The following NCOR2 variants were observed in gnomAD, a reference collection of about 807,000 sequenced individuals.
The protein encoded by NCOR2 is CTG repeat protein 26.
NCOR2 carries 81 observed loss-of-function variants against 262.9 expected under a neutral mutation model. The ratio of observed to expected loss-of-function variants is 0.31; its 90% confidence interval spans 0.26 to 0.37. NCOR2 has a LOEUF of 0.37. NCOR2 is among the 10% of genes least tolerant of loss of function. The pLI, the probability that NCOR2 is intolerant of heterozygous loss-of-function variation, is 1.00. For missense variants in NCOR2, 3,385 were observed against 3,621.4 expected (o/e 0.93, Z 1.68); for synonymous variants, 1,659 against 1,559.3 (o/e 1.06, Z -1.51).
intron 1 of NCOR2, among the ~76,000 whole-genome samples, chr12:124,527,807 G>A (rs1437194647): frequency 3.9e-5 from 6 of 152,228 alleles, no homozygotes; most frequent in African/African-American, 1.4e-4. Context: ...GCCATGGGGT[G>A]CTCCCACTTC....
chr12:124,538,674 GT>G, upstream of NCOR2: 1 of 154,214 alleles, frequency 6.5e-6, no homozygotes, highest in African/African-American at 2.4e-5. Context: ...CACTGTGCCA[GT>G]CCAGGAGAGT....
At chr12:124,383,417 A>G in intron 17 of NCOR2, 1 of 438,714 alleles carries the variant, frequency 2.3e-6, no homozygotes, top group Non-Finnish European at 3.6e-6. Context: ...CGTCCACGCC[A>G]GCGGCTTCAC....
At chr12:124,382,793 C>T (rs1457480102) in intron 17 of NCOR2, among the ~76,000 whole-genome samples, 1 of 152,226 alleles carries the variant, frequency 6.6e-6, no homozygotes, top group Non-Finnish European at 1.5e-5. Flanking sequence ...ATACTGAATG[C>T]TTATTGAGGG....
At chr12:124,357,119 A>C (rs1269948590) in intron 22 of NCOR2, among the ~76,000 whole-genome samples, 2 of 152,228 alleles carry the variant, frequency 1.3e-5, no homozygotes, top group Admixed American at 6.5e-5. Flanking sequence ...CTAAGCCAGG[A>C]GGTGGCAAAT....
intron 1 of NCOR2, among the ~76,000 whole-genome samples, chr12:124,564,105 T>C (rs1818938357): frequency 6.6e-6 from 1 of 152,196 alleles, no homozygotes; most frequent in South Asian, 2.1e-4. Context: ...ACACAGTAGG[T>C]GTTGGTTCTT....
chr12:124,528,209 G>T (rs566371017), intron 1 of NCOR2, among the ~76,000 whole-genome samples: 17 of 152,314 alleles, frequency 1.1e-4, no homozygotes, highest in African/African-American at 3.8e-4. Flanking sequence ...CTGGGGTGGG[G>T]ATGACTATGA....
intron 20 of NCOR2, among the ~76,000 whole-genome samples, chr12:124,367,749 C>A (rs1406693944): frequency 1.3e-5 from 2 of 152,130 alleles, no homozygotes; most frequent in Admixed American, 6.5e-5. Context: ...CCTCCTGCCT[C>A]AGTCTCCCTA....
intron 1 of NCOR2, among the ~76,000 whole-genome samples, chr12:124,512,948 G>T (rs537311829): frequency 6.6e-6 from 1 of 152,318 alleles, no homozygotes; most frequent in African/African-American, 2.4e-5. Context: ...AAACGGTGGG[G>T]CCAGGGAGGG....
At chr12:124,346,604 G>A in exon 31 of NCOR2, 1 of 1,585,162 alleles carries the variant, frequency 6.3e-7, no homozygotes. Context: ...CGGGGCCAGG[G>A]GCAGCTCGGG....
chr12:124,388,817 C>T (rs916822155), intron 16 of NCOR2: 44 of 1,288,546 alleles, frequency 3.4e-5, no homozygotes, highest in African/African-American at 4.7e-5. Flanking sequence ...TGCTGGTTGG[C>T]GTCTGCTGGC....
rs1417204434 is a variant in NCOR2 at position 124,483,455 on chromosome 12, T to C, written c.411+141A>G. The C allele has an allele frequency of 3.3e-6, 3 of 903,138 alleles. No individual in the cohort carries two copies. Among genetic ancestry groups the C allele is most frequent in the Non-Finnish European group, 4.8e-6 (3 of 625,080 alleles). The allele number at this position is 903,138 out of a possible 1,614,324, so 55.9% of individuals were successfully genotyped here. A position where few individuals can be genotyped will look rare whatever the true frequency, so the allele number is the denominator to read the frequency against. On this transcript the variant is annotated intron_variant, in intron 3 of 46. Coordinates refer to ENST00000405201, the Ensembl canonical transcript of NCOR2. The surrounding 1 kb of genome is among the most constrained non-coding windows in gnomAD (Gnocchi z 6.3). ...GCCCTCTTCCTGCCACCCAGCTCTG[T>C]GCACCCGGTGCTTGGCCCACCTCCA... is the stretch of plus-strand genomic sequence containing the variant.
intron 16 of NCOR2, among the ~76,000 whole-genome samples, chr12:124,390,698 G>A (rs1057222951): frequency 6.6e-6 from 1 of 152,232 alleles, no homozygotes; most frequent in Non-Finnish European, 1.5e-5. Flanking sequence ...CCTCCCAAAA[G>A]AGGCTGGGGT....
intron 15 of NCOR2, among the ~76,000 whole-genome samples, chr12:124,399,836 G>A (rs559982876): frequency 6.6e-6 from 1 of 152,274 alleles, no homozygotes; most frequent in African/African-American, 2.4e-5. Flanking sequence ...CCCCTGCGGC[G>A]AATCTTGGGA....
chr12:124,539,024 C>T (rs2051205543), upstream of NCOR2: 1 of 152,214 alleles, frequency 6.6e-6, no homozygotes, highest in Non-Finnish European at 1.5e-5. The surrounding 1 kb of genome is among the most constrained non-coding windows in gnomAD (Gnocchi z 5.1). Context: ...AGCCAGGGCA[C>T]CAGGGCACAG....
Position 124,400,681 on chromosome 12 carries a change from C to T in NCOR2, c.1641-8G>A, listed in dbSNP as rs2041942968. The T allele has an allele frequency of 6.2e-7, 1 of 1,612,854 alleles. No homozygotes were observed. The highest frequency in any genetic ancestry group is 8.5e-7 in the Non-Finnish European group (1 of 1,179,132). ...GTGTCGTCTGTCTTCTCCCTACAGG[C>T]CAGAGAGGGGAGATAGGATGGCTTC... On this transcript the variant is annotated splice_polypyrimidine_tract_variant and splice_region_variant and intron_variant, in intron 14 of 46. Transcript: ENST00000405201.
At chr12:124,372,203 T>G in exon 20 of NCOR2, 1 of 1,601,760 alleles carries the variant, frequency 6.2e-7, no homozygotes, top group East Asian at 2.2e-5. Context: ...TCCTTGCCCT[T>G]GGCCGGCCCC....
chr12:124,464,140 G>A (rs1459491048), intron 5 of NCOR2, among the ~76,000 whole-genome samples: 1 of 152,222 alleles, frequency 6.6e-6, no homozygotes, highest in Non-Finnish European at 1.5e-5. Context: ...GTGTCATCCT[G>A]AAAACTCCTT....
intron 32 of NCOR2, among the ~76,000 whole-genome samples, chr12:124,343,971 G>T (rs1161547009): frequency 6.6e-6 from 1 of 152,198 alleles, no homozygotes. Context: ...ATGAACTGGA[G>T]ATAGGGGGTC....
intron 16 of NCOR2, among the ~76,000 whole-genome samples, chr12:124,396,817 C>A (rs1456968544): frequency 6.6e-6 from 1 of 152,168 alleles, no homozygotes; most frequent in Non-Finnish European, 1.5e-5. Flanking sequence ...CGGGGCCGGG[C>A]CCAGGAGCCC....
Sources: allele counts gnomAD v4.1 joint callset (sites outside exome capture counted in the v4.1 genomes callset), GRCh38; gene constraint gnomAD v4.1.1; non-coding constraint Gnocchi (gnomAD v3.1); transcripts MANE v1.5; gene names NCBI Gene and HGNC (gene_info 2026-07-23, HGNC 2026-07-21).